Variants in SPON1 observed in about 807,000 individuals in gnomAD.
SPON1 encodes spondin 1, also known as spondin-1.
SPON1 carries 52 observed loss-of-function variants against 111.7 expected under a neutral mutation model. That is an observed-to-expected ratio of 0.47 (90% CI 0.37 to 0.59). The LOEUF (loss-of-function observed/expected upper bound fraction) is 0.59. Among genes scored for constraint, SPON1 ranks in the 20% least tolerant of loss-of-function variants. SPON1 has a pLI of 0.00. For missense variants in SPON1, 957 were observed against 1,068.5 expected (o/e 0.90, Z 1.46); for synonymous variants, 410 against 395.8 (o/e 1.04, Z -0.43).
At chr11:14,178,920 G>A (rs1554933421) in intron 6 of SPON1, among the ~76,000 whole-genome samples, 1 of 152,170 alleles carries the variant, frequency 6.6e-6, no homozygotes, top group Non-Finnish European at 1.5e-5. Context: ...CTGCTAGACT[G>A]GCCCAATGAT....
At chr11:14,243,259 T>G in intron 6 of SPON1, 73 bp from the exon 7 acceptor site, 1 of 1,399,604 alleles carries the variant, frequency 7.1e-7, no homozygotes, top group Middle Eastern at 1.9e-4. Flanking sequence ...GTGAATGGTG[T>G]CACCAGGTCA....
At chr11:14,037,499 G>C (rs530505667) in intron 2 of SPON1, among the ~76,000 whole-genome samples, 2 of 149,052 alleles carry the variant, frequency 1.3e-5, no homozygotes, top group East Asian at 4.0e-4. Flanking sequence ...TTCAACAAAT[G>C]GTGCTGAAAC....
At chr11:14,076,783 GGAGA>G (rs1348538577) in intron 4 of SPON1, among the ~76,000 whole-genome samples, 1 of 152,160 alleles carries the variant, frequency 6.6e-6, no homozygotes, top group African/African-American at 2.4e-5. Context: ...CAATAGCAAA[GGAGA>G]GAGAGAGTTG....
In SPON1 at chr11:13,964,872, C is replaced by G. The variant is rs193212456; in HGVS notation, c.238+1730C>G. ...CCTGAGTTCACAGGGGAAACTGTCC[C>G]CGCTCCACGTAGCAGAGAAAGAAGT... is the stretch of plus-strand genomic sequence containing the variant. On this transcript the variant is annotated intron_variant, in intron 1 of 15. Coordinates refer to ENST00000576479, the MANE Select transcript of SPON1 (RefSeq NM_006108.4). Among the ~76,000 whole-genome samples, 5 of 152,298 alleles carry G rather than the reference C, an allele frequency of 3.3e-5. No individual in the cohort carries two copies. The East Asian group carries it at 9.7e-4, about 29-fold the overall frequency.
chr11:14,124,467 G>C (rs571150871), intron 5 of SPON1, among the ~76,000 whole-genome samples: 1 of 152,062 alleles, frequency 6.6e-6, no homozygotes, highest in East Asian at 1.9e-4. Context: ...TATCACCCAC[G>C]CTTTATTGTA....
chr11:14,050,389 C>T (rs1848699375), intron 3 of SPON1, among the ~76,000 whole-genome samples: 1 of 152,164 alleles, frequency 6.6e-6, no homozygotes, highest in Admixed American at 6.5e-5. Flanking sequence ...TATTGGAACA[C>T]AGTTACGTTA....
At chr11:14,101,325 A>T (rs2133843705) in intron 5 of SPON1, among the ~76,000 whole-genome samples, 1 of 152,138 alleles carries the variant, frequency 6.6e-6, no homozygotes, top group East Asian at 1.9e-4. Flanking sequence ...GCTTGAACCC[A>T]CGAGGCAGAG....
chr11:14,209,292 T>C (rs1848548849), intron 6 of SPON1, among the ~76,000 whole-genome samples: 1 of 152,164 alleles, frequency 6.6e-6, no homozygotes, highest in African/African-American at 2.4e-5. Context: ...TTTAAGTTCT[T>C]GGATACATGT....
intron 2 of SPON1, among the ~76,000 whole-genome samples, chr11:14,024,620 G>A (rs1359224852): frequency 1.3e-5 from 2 of 152,190 alleles, no homozygotes; most frequent in African/African-American, 4.8e-5. Context: ...GTGTGTGCCT[G>A]CTAAGGTCTC....
chr11:14,144,428 G>A lies in SPON1; in HGVS notation c.825+8860G>A, dbSNP rs150101313. On this transcript the variant is annotated intron_variant, in intron 6 of 15. Coordinates refer to ENST00000576479, the MANE Select transcript of SPON1 (RefSeq NM_006108.4). ...GCAGATCACTTGAGTTCAGGAGTTC[G>A]AGACCAATCTGGCCAACATGGTGAA... 6.8e-3 allele frequency among the ~76,000 whole-genome samples: 1,030 copies of A among 152,040 alleles called. 7 individuals carry two copies. Among genetic ancestry groups the A allele is most frequent in the Middle Eastern group, 0.01 (3 of 294 alleles).
rs115064379 is a variant in SPON1, at chr11:14,053,868, A to G, written c.479+12214A>G. Among the ~76,000 whole-genome samples the G allele has an allele frequency of 6.8e-3, 1,030 of 152,310 alleles. 21 individuals are homozygous for G. The highest frequency in any genetic ancestry group is 0.024 in the African/African-American group (990 of 41,568). On this transcript the variant is annotated intron_variant, in intron 3 of 15. Transcript: ENST00000576479. ...TGTGACCACAGTGCAACAAAGTCAT[A>G]TACTTGGGCATTTGTTCCTTCATCT...
At chr11:14,022,946 G>A (rs1208576831) in intron 2 of SPON1, among the ~76,000 whole-genome samples, 1 of 152,212 alleles carries the variant, frequency 6.6e-6, no homozygotes, top group Non-Finnish European at 1.5e-5. Flanking sequence ...GGAAGCCTCA[G>A]GCATATCTAA....
chr11:13,993,299 A>G (rs1386915486), intron 2 of SPON1, among the ~76,000 whole-genome samples: 3 of 151,944 alleles, frequency 2.0e-5, no homozygotes, highest in Admixed American at 2.0e-4. Flanking sequence ...TCTGGCCCCA[A>G]CAGCGGGTTC....
chr11:14,115,646 C>T (rs1225538171), intron 5 of SPON1, among the ~76,000 whole-genome samples: 8 of 152,054 alleles, frequency 5.3e-5, no homozygotes, highest in Non-Finnish European at 7.4e-5. Flanking sequence ...ATGAATCTAC[C>T]GCTTTTCATT....
At chr11:14,220,295 G>C (rs564114280) in intron 6 of SPON1, among the ~76,000 whole-genome samples, 23 of 152,084 alleles carry the variant, frequency 1.5e-4, no homozygotes, top group African/African-American at 5.1e-4. Context: ...GAAATAATAG[G>C]ACCACACTCC....
At chr11:14,082,827 G>C (rs1487408777) in intron 5 of SPON1, among the ~76,000 whole-genome samples, 2 of 152,146 alleles carry the variant, frequency 1.3e-5, no homozygotes, top group African/African-American at 4.8e-5. Flanking sequence ...CTATCATCAT[G>C]CCCAGAGAAG....
chr11:14,044,418 C>T (rs1000137363), intron 3 of SPON1, among the ~76,000 whole-genome samples: 13 of 152,052 alleles, frequency 8.5e-5, no homozygotes, highest in African/African-American at 3.1e-4. Context: ...TCAAGACCAG[C>T]CTGGTCAACA....
intron 5 of SPON1, among the ~76,000 whole-genome samples, chr11:14,119,554 ACACT>A (rs1564909291): frequency 1.3e-5 from 2 of 152,140 alleles, no homozygotes; most frequent in Non-Finnish European, 2.9e-5. Context: ...CTTGAGGTAG[ACACT>A]CACTGATAGC....
At chr11:13,972,981 A>G (rs1554908777) in intron 1 of SPON1, among the ~76,000 whole-genome samples, 1 of 151,820 alleles carries the variant, frequency 6.6e-6, no homozygotes, top group East Asian at 1.9e-4. Flanking sequence ...CCTTCGCTCT[A>G]TCTTTTTGTC....
Sources: allele counts gnomAD v4.1 joint callset (sites outside exome capture counted in the v4.1 genomes callset), GRCh38; gene constraint gnomAD v4.1.1; transcripts MANE v1.5; gene names NCBI Gene and HGNC (gene_info 2026-07-23, HGNC 2026-07-21).